OTOA: variants seen among roughly 807,000 people sequenced by gnomAD.
OTOA encodes the protein otoancorin.
A neutral mutation model predicts 110.8 loss-of-function variants in OTOA; 70 were observed. The observed-to-expected ratio is 0.63, with a 90% CI of 0.52 to 0.77. OTOA has a LOEUF of 0.77. Ranked by LOEUF, OTOA falls within the 30% of genes least tolerant of loss-of-function variation. The probability of loss-of-function intolerance (pLI) is 0.00; values close to 1 mark genes in which losing one functional copy is unlikely to be tolerated. For synonymous variants in OTOA, 373 were observed against 431.5 expected (o/e 0.86, Z 1.68); for missense variants, 917 against 1,075.8 (o/e 0.85, Z 2.06).
intron 11 of OTOA, among the ~76,000 whole-genome samples, chr16:21,703,020 A>G (rs1350134375): frequency 6.6e-6 from 1 of 152,162 alleles, no homozygotes; most frequent in Non-Finnish European, 1.5e-5. Flanking sequence ...AATAAAAATT[A>G]TATCTATGGT....
At chr16:21,757,864 C>T (rs450844) in intron 28 of OTOA, among the ~76,000 whole-genome samples, 73 of 151,658 alleles carry the variant, frequency 4.8e-4, no homozygotes, top group Middle Eastern at 3.4e-3. Flanking sequence ...GTCATCTGCC[C>T]ACCTCAGCCT....
At chr16:21,678,690 C>A in intron 2 of OTOA, 85 bp downstream of exon 2, 1 of 1,324,886 alleles carries the variant, frequency 7.5e-7, no homozygotes, top group Non-Finnish European at 1.1e-6. Flanking sequence ...GTACATGATG[C>A]TGTAAGTTGT....
At chr16:21,734,841 A>C (rs943440006) in intron 21 of OTOA, among the ~76,000 whole-genome samples, 3 of 151,678 alleles carry the variant, frequency 2.0e-5, no homozygotes, top group Non-Finnish European at 4.4e-5. Flanking sequence ...GTCTAAACAA[A>C]CAAACAAACA....
At chr16:21,667,321 TA>T (rs1182092876) in intron 1 of OTOA, among the ~76,000 whole-genome samples, 4 of 152,198 alleles carry the variant, frequency 2.6e-5, no homozygotes, top group Non-Finnish European at 4.4e-5. Context: ...TCCATTTGCA[TA>T]ACAAGTTAGA....
At chr16:21,693,999 A>G (rs215891) in intron 9 of OTOA, among the ~76,000 whole-genome samples, 139,259 of 152,264 alleles carry the variant, frequency 0.91, 64,226 homozygotes, top group Non-Finnish European at 0.99. Context: ...CAGCTCTGAC[A>G]CTGCAGCTTG....
At chr16:21,683,441 C>G (rs1966932543) in intron 6 of OTOA, among the ~76,000 whole-genome samples, 1 of 152,086 alleles carries the variant, frequency 6.6e-6, no homozygotes, top group South Asian at 2.1e-4. Context: ...GCCTGTAATC[C>G]CAGCACTTTG....
intron 9 of OTOA, among the ~76,000 whole-genome samples, chr16:21,695,891 A>ATATTTTTTT (rs569493650): frequency 4.8e-5 from 2 of 41,896 alleles, no homozygotes; most frequent in Non-Finnish European, 3.7e-5. Context: ...ATATATATAT[A>ATATTTTTTT]TTTTTTTTTT....
intron 1 of OTOA, among the ~76,000 whole-genome samples, chr16:21,677,622 C>T (rs1226345824): frequency 1.3e-5 from 2 of 149,772 alleles, no homozygotes; most frequent in African/African-American, 4.9e-5. Flanking sequence ...GCTGGGACTA[C>T]AGGCGCCCGC....
chr16:21,667,102 T>C (rs189754183), intron 1 of OTOA, among the ~76,000 whole-genome samples: 48 of 152,272 alleles, frequency 3.2e-4, no homozygotes, highest in Non-Finnish European at 4.0e-4. Context: ...AGACTTCTAA[T>C]TGGAGTTGAG....
At chr16:21,682,487 A>G (rs1207067223) in intron 6 of OTOA, among the ~76,000 whole-genome samples, 4 of 152,198 alleles carry the variant, frequency 2.6e-5, no homozygotes, top group African/African-American at 7.2e-5. Flanking sequence ...TCTTTCTACC[A>G]TGGGTCCAAG....
rs76439521 is a variant in OTOA, at chr16:21,685,148, G to C, written c.268-82G>C. The C allele has an allele frequency of 9.1e-3, 14,205 of 1,565,138 alleles. 570 individuals are homozygous for C. The highest frequency in any genetic ancestry group is 0.085 in the Admixed American group (5,043 of 59,398). ...GGTCTCTGCAGGGAATGAGGGGGCC[G>C]GGCTGGGCCGCTGGCCATGGTGCTG... On this transcript the variant is annotated intron_variant, in intron 6 of 28. Transcript: ENST00000646100.
chr16:21,697,895 T>C lies in OTOA; in HGVS notation c.840+20T>C. 1.9e-6 allele frequency: 3 copies of C among 1,582,028 alleles called. No homozygotes were observed. The highest frequency in any genetic ancestry group is 2.6e-6 in the Non-Finnish European group (3 of 1,150,962). On this transcript the variant is annotated intron_variant, in intron 10 of 28. Transcript: ENST00000646100. The stretch of plus-strand genomic sequence containing the variant: ...ATAGAAGTAAGTTGGAAAAGTACAT[T>C]TATATGTCACCATTACTAATACACT...
chr16:21,723,444 C>CA lies in OTOA; in HGVS notation c.1880+480dup, dbSNP rs56405428. Among the ~76,000 whole-genome samples the CA allele has an allele frequency of 7.7e-3, 1,090 of 141,768 alleles. 5 individuals carry two copies. The highest frequency in any genetic ancestry group is 0.013 in the Admixed American group (189 of 14,220). 93.0% of individuals were successfully genotyped at this position (141,768 alleles called of 152,430 possible). A position where few individuals can be genotyped will look rare whatever the true frequency, so the allele number is the denominator to read the frequency against. On this transcript the variant is annotated intron_variant, in intron 18 of 28. Transcript: ENST00000646100. ...TTTGCTCTTATTGTCTTCGTTCATTCAAAAAAAAAAAAAAGTTCATTGAGT... is the reference window on the plus strand; with the variant it reads ...TTTGCTCTTATTGTCTTCGTTCATTCAAAAAAAAAAAAAAAGTTCATTGAGT...
Position 21,716,919 on chromosome 16 carries a change from G to A in OTOA, c.1501G>A (p.Glu501Lys), listed in dbSNP as rs1170429198. ...TCGCTTCTGGCAGATGGTCCAAGCG[G>A]AAGACACTGCCCCAGGCATCGTGGA... Reference protein sequence around the residue: ...QGILSKMVQAEDTAPGIVEIQ... With the variant: ...QGILSKMVQAKDTAPGIVEIQ... Residue 501 changes from glutamate (E) to lysine (K), a missense_variant, in exon 15 of 29, where the codon GAA becomes AAA. Around this residue, in one of 6 missense-constraint regions of OTOA, gnomAD observed 840 missense variants for 910.2 expected, o/e 0.92. Coordinates refer to ENST00000646100, the MANE Select transcript of OTOA (RefSeq NM_144672.4). 6.2e-7 allele frequency: 1 copy of A among 1,613,942 alleles called. No individual in the cohort carries two copies. Among genetic ancestry groups the A allele is most frequent in the East Asian group, 2.2e-5 (1 of 44,862 alleles).
chr16:21,713,931 C>T (rs1244131012), intron 13 of OTOA, among the ~76,000 whole-genome samples: 1 of 152,140 alleles, frequency 6.6e-6, no homozygotes, highest in Non-Finnish European at 1.5e-5. Context: ...GTTTTGTTCC[C>T]TCCCAGCCCA....
At chr16:21,666,727 A>G (rs2141642871) in intron 1 of OTOA, among the ~76,000 whole-genome samples, 1 of 152,200 alleles carries the variant, frequency 6.6e-6, no homozygotes, top group African/African-American at 2.4e-5. Context: ...GGGAAGGGGT[A>G]TGGCCCATAG....
intron 9 of OTOA, among the ~76,000 whole-genome samples, chr16:21,697,299 A>T (rs1220388138): frequency 6.6e-6 from 1 of 152,100 alleles, no homozygotes; most frequent in Admixed American, 6.6e-5. Flanking sequence ...GTGATCTCAC[A>T]GGTAGGCCCT....
intron 14 of OTOA, 92 bp from the exon 15 acceptor site, chr16:21,716,815 G>C (rs939243052): frequency 6.0e-6 from 9 of 1,505,004 alleles, no homozygotes; most frequent in Non-Finnish European, 7.3e-6. Context: ...CGGGTCTGAT[G>C]GATTTTATTG....
chr16:21,702,365 AAAC>A (rs1248868494), intron 11 of OTOA, among the ~76,000 whole-genome samples: 1 of 152,204 alleles, frequency 6.6e-6, no homozygotes, highest in East Asian at 1.9e-4. Flanking sequence ...TACTCATAGG[AAAC>A]AATTACATCT....
Sources: allele counts gnomAD v4.1 joint callset (sites outside exome capture counted in the v4.1 genomes callset), GRCh38; gene constraint gnomAD v4.1.1; regional missense constraint gnomAD v4.1.1; transcripts MANE v1.5; gene names NCBI Gene and HGNC (gene_info 2026-07-23, HGNC 2026-07-21).